The following WNT4 variants were observed in gnomAD, a reference collection of about 807,000 sequenced individuals.
The protein encoded by WNT4 is protein Wnt-4.
A neutral mutation model predicts 34.5 loss-of-function variants in WNT4; 16 were observed. The observed-to-expected ratio is 0.46, with a 90% confidence interval of 0.31 to 0.70. The LOEUF is 0.70. WNT4 is among the 30% of genes least tolerant of loss of function. The pLI is 0.04. For synonymous variants in WNT4, 200 were observed against 211.9 expected, an observed-to-expected ratio of 0.94 and a Z score of 0.49; for missense variants, 379 against 495.9, an observed-to-expected ratio of 0.76 and a Z score of 2.24.
chr1:22,132,107 G>A (rs976735307), intron 1 of WNT4, among the ~76,000 whole-genome samples: 10 of 152,222 alleles, frequency 6.6e-5, no homozygotes, highest in African/African-American at 2.4e-4. Context: ...TACTGGCTGT[G>A]GGCCAGGTCC....
chr1:22,125,909 G>A (rs1199390965), intron 2 of WNT4, among the ~76,000 whole-genome samples: 1 of 152,122 alleles, frequency 6.6e-6, no homozygotes, highest in Non-Finnish European at 1.5e-5. Context: ...AGTATTTAAC[G>A]ATCCATTCAA....
rs922116573 is a variant in WNT4, at chr1:22,142,458, C to T, written c.77+388G>A. Among the ~76,000 whole-genome samples the T allele has an allele frequency of 6.6e-6, 1 of 152,236 alleles. No individual in the cohort carries two copies. The highest frequency in any genetic ancestry group is 2.4e-5 in the African/African-American group (1 of 41,468). ...TCGGGATTAACCTGCTATTATGTCCCGGAGCCCTTCCCTGCAATGGGCTTC... is the reference window on the plus strand; with the variant it reads ...TCGGGATTAACCTGCTATTATGTCCTGGAGCCCTTCCCTGCAATGGGCTTC... On this transcript the variant is annotated intron_variant, in intron 1 of 4. Coordinates refer to ENST00000290167, the MANE Select transcript of WNT4 (RefSeq NM_030761.5). The surrounding 1 kb of genome is among the most constrained non-coding windows in gnomAD (Gnocchi z 6.0).
At chr1:22,121,643 G>A (rs1645899574) in intron 2 of WNT4, 67 bp from the exon 3 acceptor site, 8 of 1,582,964 alleles carry the variant, frequency 5.1e-6, no homozygotes, top group Non-Finnish European at 6.8e-6. Context: ...CTTTGTAGAG[G>A]GGGAGGGGCA....
At position 22,117,737 on chromosome 1, in the gene WNT4, AG is replaced by A. The variant is rs1444224881; in HGVS notation, c.*2312del. 1 of 152,342 alleles carries A rather than the reference AG, an allele frequency of 6.6e-6. No individual in the cohort carries two copies. Among genetic ancestry groups the A allele is most frequent in the Admixed American group, 6.5e-5 (1 of 15,292 alleles). The allele number at this position is 152,342 out of a possible 1,614,324, so 9.4% of individuals were successfully genotyped here. On this transcript the variant is annotated 3_prime_UTR_variant, in exon 5 of 5. Coordinates refer to ENST00000290167, the MANE Select transcript of WNT4 (RefSeq NM_030761.5). ...CCTAGGTCGCAACCTTCAGAACCCC[AG>A]GAAGATCAGCTTTAGGAACTCCCTG...
chr1:22,139,734 C>T lies in WNT4; in HGVS notation c.77+3112G>A, dbSNP rs1005881426. ...ACTGGAACCCAGGTATCCTGACTCC[C>T]GGTACAGCCTCAGTGCAGGGAAGAG... On this transcript the variant is annotated intron_variant, in intron 1 of 4. Coordinates refer to ENST00000290167, the MANE Select transcript of WNT4 (RefSeq NM_030761.5). The surrounding 1 kb of genome is among the most constrained non-coding windows in gnomAD (Gnocchi z 4.6). 6.6e-6 allele frequency among the ~76,000 whole-genome samples: 1 copy of T among 152,292 alleles called. No homozygotes were observed. Among genetic ancestry groups the T allele is most frequent in the East Asian group, 1.9e-4 (1 of 5,178 alleles).
At position 22,140,251 on chromosome 1, in the gene WNT4, C is replaced by G; in HGVS notation, c.77+2595G>C. 3 of 985,482 alleles carry G rather than the reference C, an allele frequency of 3.0e-6. No homozygotes were observed. The South Asian group carries it at 1.4e-4, about 46-fold the overall frequency. 61.0% of individuals were successfully genotyped at this position (985,482 alleles called of 1,614,324 possible). A position where few individuals can be genotyped will look rare whatever the true frequency, so the allele number is the denominator to read the frequency against. ...ATGCCTGCATGGACACCTGCCTCCC[C>G]GAAGCTTTTCCTTCTAGAGGCAGCT... is the stretch of plus-strand genomic sequence containing the variant. On this transcript the variant is annotated intron_variant, in intron 1 of 4. Transcript: ENST00000290167. This position sits in a 1 kb window ranked among gnomAD's most constrained non-coding sequence, Gnocchi z 5.9.
chr1:22,138,193 G>A (rs1646037031), intron 1 of WNT4, among the ~76,000 whole-genome samples: 1 of 152,230 alleles, frequency 6.6e-6, no homozygotes, highest in Non-Finnish European at 1.5e-5. Context: ...CTGGACATGG[G>A]AGAGCAGTTC....
rs890806960 is a variant in WNT4 at position 22,134,585 on chromosome 1, C to G, written c.78-4734G>C. 6.6e-6 allele frequency among the ~76,000 whole-genome samples: 1 copy of G among 152,168 alleles called. No individual in the cohort carries two copies. The highest frequency in any genetic ancestry group is 2.4e-5 in the African/African-American group (1 of 41,432). On this transcript the variant is annotated intron_variant, in intron 1 of 4. Transcript: ENST00000290167. This position sits in a 1 kb window ranked among gnomAD's most constrained non-coding sequence, Gnocchi z 4.1. ...AATGTCATCCTTGTGTTGCTTGAAG[C>G]AAGTTAGTGAACACCTCTGAGCCTC...
intron 2 of WNT4, among the ~76,000 whole-genome samples, chr1:22,129,006 T>C (rs10737464): frequency 0.94 from 142,707 of 152,336 alleles, 66,980 homozygotes; most frequent in East Asian, 1. Flanking sequence ...AGGCATGAGC[T>C]GCCGCGCCCA....
Position 22,137,475 on chromosome 1 carries a change from G to A in WNT4, c.77+5371C>T, listed in dbSNP as rs1378856456. On this transcript the variant is annotated intron_variant, in intron 1 of 4. Transcript: ENST00000290167. The surrounding 1 kb of genome is among the most constrained non-coding windows in gnomAD (Gnocchi z 5.3). ...ACCCATGGCTCCCTGGCCAATCTGC[G>A]CCCCACTGGCTAAGCCCAAGCCCCT... Among the ~76,000 whole-genome samples, 2 of 152,170 alleles carry A rather than the reference G, an allele frequency of 1.3e-5. No homozygotes were observed. The highest frequency in any genetic ancestry group is 2.4e-5 in the African/African-American group (1 of 41,428).
At chr1:22,136,703 G>A (rs192045322) in intron 1 of WNT4, among the ~76,000 whole-genome samples, 2 of 152,308 alleles carry the variant, frequency 1.3e-5, no homozygotes, top group East Asian at 1.9e-4. Context: ...TTCTACCACC[G>A]CCATGCTGTA....
chr1:22,138,139 T>TAA (rs1646036673), intron 1 of WNT4, among the ~76,000 whole-genome samples: 1 of 152,232 alleles, frequency 6.6e-6, no homozygotes, highest in Non-Finnish European at 1.5e-5. Context: ...GAGTTATATA[T>TAA]AATATGAAAC....
chr1:22,130,121 C>T (rs983374389), intron 1 of WNT4, among the ~76,000 whole-genome samples: 6 of 152,212 alleles, frequency 3.9e-5, no homozygotes, highest in South Asian at 4.1e-4. Flanking sequence ...CGAGCCCCTA[C>T]GGGATCCCTC....
intron 1 of WNT4, among the ~76,000 whole-genome samples, chr1:22,130,850 A>T (rs1190098256): frequency 1.3e-5 from 2 of 152,260 alleles, no homozygotes; most frequent in South Asian, 2.1e-4. Context: ...GCACACAGAA[A>T]GTCCTACTTA....
In WNT4 at chr1:22,140,311, G is replaced by A. The variant is rs1646056291; in HGVS notation, c.77+2535C>T. Reference sequence around the variant, plus strand: ...GACACCTCTGGCATTTACCAGCTGGGTGACTTGGGCAGTTACCTCTGCGAT... The same window carrying A: ...GACACCTCTGGCATTTACCAGCTGGATGACTTGGGCAGTTACCTCTGCGAT... On this transcript the variant is annotated intron_variant, in intron 1 of 4. Coordinates refer to ENST00000290167, the MANE Select transcript of WNT4 (RefSeq NM_030761.5). This position sits in a 1 kb window ranked among gnomAD's most constrained non-coding sequence, Gnocchi z 5.9. The A allele has an allele frequency of 1.0e-6, 1 of 983,812 alleles. No individual in the cohort carries two copies. Among genetic ancestry groups the A allele is most frequent in the Non-Finnish European group, 1.2e-6 (1 of 828,438 alleles). 60.9% of individuals were successfully genotyped at this position (983,812 alleles called of 1,614,324 possible).
chr1:22,142,956 G>C lies in WNT4; in HGVS notation c.-34C>G. ...CGCGGGCGCCCGGCCCGGGGCAGCGGCTGCGGCCGCGGGGGGCCTCCCGTC... is the reference window on the plus strand; with the variant it reads ...CGCGGGCGCCCGGCCCGGGGCAGCGCCTGCGGCCGCGGGGGGCCTCCCGTC... On this transcript the variant is annotated 5_prime_UTR_variant, in exon 1 of 5. Transcript: ENST00000290167. This position sits in a 1 kb window ranked among gnomAD's most constrained non-coding sequence, Gnocchi z 6.0. The C allele has an allele frequency of 9.8e-7, 1 of 1,023,210 alleles. No homozygotes were observed. The highest frequency in any genetic ancestry group is 1.2e-6 in the Non-Finnish European group (1 of 855,166). The allele number at this position is 1,023,210 out of a possible 1,614,324, so 63.4% of individuals were successfully genotyped here. A position where few individuals can be genotyped will look rare whatever the true frequency, so the allele number is the denominator to read the frequency against.
intron 1 of WNT4, among the ~76,000 whole-genome samples, chr1:22,135,359 G>C (rs572001687): frequency 6.6e-6 from 1 of 152,348 alleles, no homozygotes; most frequent in East Asian, 1.9e-4. Context: ...ATGTGTTTGA[G>C]CCCATGCAGC....
chr1:22,126,235 G>A (rs10917156), intron 2 of WNT4, among the ~76,000 whole-genome samples: 3,426 of 152,314 alleles, frequency 0.022, 126 homozygotes, highest in African/African-American at 0.076. Flanking sequence ...CAGGCCAGGA[G>A]CAGGGGAGGC....
intron 1 of WNT4, among the ~76,000 whole-genome samples, chr1:22,131,765 G>A (rs548987975): frequency 5.2e-4 from 79 of 152,320 alleles, no homozygotes; most frequent in Admixed American, 1.6e-3. Flanking sequence ...GTCTCAGGCC[G>A]AAGAAGGCCA....
Sources: allele counts gnomAD v4.1 joint callset (sites outside exome capture counted in the v4.1 genomes callset), GRCh38; gene constraint gnomAD v4.1.1; non-coding constraint Gnocchi (gnomAD v3.1); transcripts MANE v1.5; gene names NCBI Gene and HGNC (gene_info 2026-07-23, HGNC 2026-07-21).